The following ANP32B variants were observed in gnomAD, a reference collection of about 807,000 sequenced individuals.
ANP32B encodes the protein acidic leucine-rich nuclear phosphoprotein 32 family member B.
In ANP32B, 6 loss-of-function variants were observed where a neutral mutation model predicts 32.2. The ratio of observed to expected loss-of-function variants is 0.19; its 90% confidence interval spans 0.10 to 0.37. ANP32B has a LOEUF of 0.37. Among genes scored for constraint, ANP32B ranks in the 10% least tolerant of loss-of-function variants. The probability of loss-of-function intolerance (pLI) is 1.00; values close to 1 mark genes in which losing one functional copy is unlikely to be tolerated. For synonymous variants in ANP32B, 98 were observed against 105.8 expected (o/e 0.93, Z 0.45); for missense variants, 204 against 289.2 (o/e 0.71, Z 2.14).
chr9:98,015,659 G>A lies in ANP32B; in HGVS notation c.*228G>A. ...GGACTTCACCCCAACAAAATTGTAAGCGTTGTTAGGTTTTTGTGTAAGATT... is the reference window on the plus strand; with the variant it reads ...GGACTTCACCCCAACAAAATTGTAAACGTTGTTAGGTTTTTGTGTAAGATT... On this transcript the variant is annotated 3_prime_UTR_variant, in exon 7 of 7. Transcript: ENST00000339399. 8.2e-7 allele frequency: 1 copy of A among 1,216,748 alleles called. No individual in the cohort carries two copies. Among genetic ancestry groups the A allele is most frequent in the Non-Finnish European group, 1.0e-6 (1 of 968,984 alleles). 75.4% of individuals were successfully genotyped at this position (1,216,748 alleles called of 1,614,324 possible).
At chr9:97,991,642 T>G (rs2131582755) in intron 1 of ANP32B, among the ~76,000 whole-genome samples, 1 of 152,344 alleles carries the variant, frequency 6.6e-6, no homozygotes, top group East Asian at 1.9e-4. Flanking sequence ...TAAAATGAAC[T>G]ACTCATTTAA....
intron 3 of ANP32B, among the ~76,000 whole-genome samples, chr9:98,004,748 C>CAT (rs1398517684): frequency 6.6e-6 from 1 of 152,130 alleles, no homozygotes; most frequent in Non-Finnish European, 1.5e-5. Context: ...CAGAAAAACA[C>CAT]ATAGTTCTCT....
At chr9:97,993,614 A>G (rs954969764) in intron 1 of ANP32B, among the ~76,000 whole-genome samples, 1 of 152,218 alleles carries the variant, frequency 6.6e-6, no homozygotes, top group African/African-American at 2.4e-5. Context: ...TAAATAATCA[A>G]TATTCAAAAG....
intron 3 of ANP32B, among the ~76,000 whole-genome samples, chr9:98,001,144 G>A (rs560234166): frequency 2.6e-5 from 4 of 151,198 alleles, no homozygotes; most frequent in Admixed American, 6.6e-5. Context: ...TAGGTTGTGA[G>A]CATAAGAAAC....
chr9:97,997,020 A>G (rs1033421653), intron 2 of ANP32B, among the ~76,000 whole-genome samples: 39 of 152,362 alleles, frequency 2.6e-4, no homozygotes, highest in African/African-American at 8.7e-4. Context: ...ATGTTTTGGT[A>G]GACTGCCTTG....
intron 6 of ANP32B, among the ~76,000 whole-genome samples, chr9:98,012,866 G>C (rs1587882477): frequency 6.6e-6 from 1 of 152,302 alleles, no homozygotes; most frequent in South Asian, 2.1e-4. Context: ...GAGTAGCTGG[G>C]GCTACAGGCG....
chr9:97,986,484 T>C (rs966237372), intron 1 of ANP32B: 1 of 152,224 alleles, frequency 6.6e-6, no homozygotes, highest in Admixed American at 6.5e-5. Flanking sequence ...AATAAAACTT[T>C]GACCTAAAAG....
At chr9:97,990,456 T>C (rs1046541383) in intron 1 of ANP32B, among the ~76,000 whole-genome samples, 1 of 152,214 alleles carries the variant, frequency 6.6e-6, no homozygotes, top group Admixed American at 6.5e-5. Context: ...TAATTCCCAT[T>C]CTCCTCTGTG....
intron 6 of ANP32B, 124 bp downstream of exon 6, chr9:98,012,596 C>A: frequency 7.2e-7 from 1 of 1,386,602 alleles, no homozygotes; most frequent in Non-Finnish European, 9.8e-7. Flanking sequence ...TTTACACATT[C>A]ACATTCTCGT....
At chr9:98,010,019 A>G (rs990640317) in intron 4 of ANP32B, among the ~76,000 whole-genome samples, 4 of 152,156 alleles carry the variant, frequency 2.6e-5, no homozygotes, top group Non-Finnish European at 4.4e-5. Flanking sequence ...CATTTTTCCT[A>G]AAAACCATTT....
chr9:97,996,079 A>T (rs1325042239), intron 2 of ANP32B, among the ~76,000 whole-genome samples: 4 of 152,118 alleles, frequency 2.6e-5, no homozygotes, highest in Non-Finnish European at 4.4e-5. Context: ...TGAGAAAGAA[A>T]TTTCCCCTTC....
At chr9:97,990,106 C>A (rs1039999253) in intron 1 of ANP32B, among the ~76,000 whole-genome samples, 1 of 152,144 alleles carries the variant, frequency 6.6e-6, no homozygotes, top group African/African-American at 2.4e-5. Flanking sequence ...TCTGAAAATA[C>A]CATTTGTGTT....
chr9:98,010,582 A>C (rs1243188912), intron 4 of ANP32B, among the ~76,000 whole-genome samples: 35 of 152,104 alleles, frequency 2.3e-4, no homozygotes, highest in Non-Finnish European at 8.8e-5. Flanking sequence ...CTGAGACTCC[A>C]AGGTGGAGTC....
Position 97,983,554 on chromosome 9 carries a change from A to T in ANP32B, c.-2A>T, listed in dbSNP as rs1312052342. On this transcript the variant is annotated 5_prime_UTR_variant, in exon 1 of 7. Transcript: ENST00000339399. ...AGTTTGAAGAGGGGGGAAGAGGGGA[A>T]CATGGACATGAAGAGGAGGATCCAC... 1.1e-5 allele frequency: 18 copies of T among 1,579,374 alleles called. No individual in the cohort carries two copies. The highest frequency in any genetic ancestry group is 1.4e-5 in the Non-Finnish European group (16 of 1,163,638).
chr9:97,983,978 G>C (rs1217838149), intron 1 of ANP32B, among the ~76,000 whole-genome samples: 5 of 150,618 alleles, frequency 3.3e-5, no homozygotes, highest in African/African-American at 1.2e-4. Flanking sequence ...ATGCGCGGCC[G>C]GGCGGAGGCC....
Position 97,983,600 on chromosome 9 carries a change from C to G in ANP32B, c.45C>G (p.Thr15=). Reference sequence around the variant, plus strand: ...TCCACCTGGAGCTGAGGAACCGGACCCCGGCAGCTGTAAGCAGAGACCCCT... The same window carrying G: ...TCCACCTGGAGCTGAGGAACCGGACGCCGGCAGCTGTAAGCAGAGACCCCT... ...RRIHLELRNR[T]PAAVRELVLD... Residue 15 remains threonine, a synonymous_variant, in exon 1 of 7, where the codon ACC becomes ACG. Transcript: ENST00000339399. 1 of 1,581,730 alleles carries G rather than the reference C, an allele frequency of 6.3e-7. No individual in the cohort carries two copies. The highest frequency in any genetic ancestry group is 8.6e-7 in the Non-Finnish European group (1 of 1,164,982).
intron 4 of ANP32B, among the ~76,000 whole-genome samples, chr9:98,006,437 TCA>T (rs1166518943): frequency 2.9e-5 from 4 of 140,094 alleles, no homozygotes; most frequent in Non-Finnish European, 6.0e-5. Flanking sequence ...TTTGTCTCAG[TCA>T]CAGTTTTGTT....
intron 6 of ANP32B, among the ~76,000 whole-genome samples, chr9:98,013,761 T>C (rs1444288851): frequency 6.6e-6 from 1 of 151,706 alleles, no homozygotes; most frequent in Non-Finnish European, 1.5e-5. Context: ...TAGTCAGGCG[T>C]GGTGGCACGC....
At chr9:98,010,015 TC>T (rs959169536) in intron 4 of ANP32B, among the ~76,000 whole-genome samples, 1 of 152,144 alleles carries the variant, frequency 6.6e-6, no homozygotes, top group African/African-American at 2.4e-5. Context: ...TTTCCATTTT[TC>T]CTAAAAACCA....
Sources: allele counts gnomAD v4.1 joint callset (sites outside exome capture counted in the v4.1 genomes callset), GRCh38; gene constraint gnomAD v4.1.1; transcripts MANE v1.5; gene names NCBI Gene and HGNC (gene_info 2026-07-23, HGNC 2026-07-21).